Variants in PLPP3 observed in about 807,000 individuals in gnomAD.
The protein encoded by PLPP3 is phospholipid phosphatase 3.
PLPP3 carries 6 observed loss-of-function variants against 29.6 expected under a neutral mutation model. That is an observed-to-expected ratio of 0.20 (90% CI 0.11 to 0.40). The LOEUF (loss-of-function observed/expected upper bound fraction) is 0.40. Ranked by LOEUF, PLPP3 falls within the 10% of genes least tolerant of loss-of-function variation. The pLI is 1.00. For missense variants in PLPP3, 308 were observed against 407.7 expected (o/e 0.76, Z 2.11); for synonymous variants, 152 against 159.7 (o/e 0.95, Z 0.36).
intron 4 of PLPP3, among the ~76,000 whole-genome samples, chr1:56,521,898 T>C (rs1038239279): frequency 1.4e-4 from 22 of 152,076 alleles, no homozygotes; most frequent in African/African-American, 5.1e-4. Flanking sequence ...AAGGAGGTAA[T>C]TGGAGTTGGG....
intron 4 of PLPP3, among the ~76,000 whole-genome samples, chr1:56,522,674 G>T (rs1213937530): frequency 6.7e-6 from 1 of 148,856 alleles, no homozygotes; most frequent in Non-Finnish European, 1.5e-5. Flanking sequence ...AAGGATTGGG[G>T]GGAAAAATAA....
intron 1 of PLPP3, among the ~76,000 whole-genome samples, chr1:56,559,298 A>T (rs892446515): frequency 1.3e-5 from 2 of 152,246 alleles, no homozygotes; most frequent in Admixed American, 1.3e-4. Context: ...ATCAATGAGA[A>T]TACCTGTGCA....
intron 1 of PLPP3, among the ~76,000 whole-genome samples, chr1:56,557,006 GAA>G (rs372695116): frequency 0.019 from 121 of 6,444 alleles, 6 homozygotes; most frequent in South Asian, 0.026. Context: ...AAGAAAGAAA[GAA>G]AGAGAGAGAG....
chr1:56,528,949 T>G (rs906114194), intron 2 of PLPP3, among the ~76,000 whole-genome samples: 1 of 151,470 alleles, frequency 6.6e-6, no homozygotes, highest in African/African-American at 2.4e-5. Flanking sequence ...ATTTGTAAAT[T>G]ATCCCAAGAA....
intron 2 of PLPP3, among the ~76,000 whole-genome samples, chr1:56,529,113 C>T (rs2100255959): frequency 6.6e-6 from 1 of 152,062 alleles, no homozygotes; most frequent in South Asian, 2.1e-4. Context: ...CTTTCACATC[C>T]ACTATACTGT....
chr1:56,512,871 C>A (rs1645752801), intron 4 of PLPP3: 1 of 151,988 alleles, frequency 6.6e-6, no homozygotes, highest in African/African-American at 2.4e-5. Context: ...TCTTTTTTTA[C>A]AATTGATGAC....
chr1:56,500,501 G>T (rs915504411), intron 5 of PLPP3, among the ~76,000 whole-genome samples: 7 of 152,194 alleles, frequency 4.6e-5, no homozygotes, highest in Admixed American at 2.6e-4. Context: ...TGTGTGCAAA[G>T]GTACAGGAGA....
rs564887378 is a variant in PLPP3 at position 56,510,295 on chromosome 1, C to T, written c.810+1681G>A. On this transcript the variant is annotated intron_variant, in intron 5 of 5. Coordinates refer to ENST00000371250, the MANE Select transcript of PLPP3 (RefSeq NM_003713.5). ...AAGGGCCAGGCACCAGAGAACAAGC[C>T]GGTCAGTGACAGCTGCTCTCATTAA... 2.6e-5 allele frequency among the ~76,000 whole-genome samples: 4 copies of T among 152,332 alleles called. No individual in the cohort carries two copies. In the South Asian group the frequency reaches 6.2e-4, roughly 24 times the overall value.
Position 56,524,876 on chromosome 1 carries a change from AG to A in PLPP3, c.298-323del, listed in dbSNP as rs923907851. Among the ~76,000 whole-genome samples, 23 of 152,026 alleles carry A rather than the reference AG, an allele frequency of 1.5e-4. No individual in the cohort carries two copies. The highest frequency in any genetic ancestry group is 5.6e-4 in the African/African-American group (23 of 41,368). ...AGAGACAAGAACTTAACTATAGAAA[AG>A]AAATACTAAATGAAGAATCAACGAC... is the stretch of plus-strand genomic sequence containing the variant. On this transcript the variant is annotated intron_variant, in intron 2 of 5. Transcript: ENST00000371250. The surrounding 1 kb of genome is among the most constrained non-coding windows in gnomAD (Gnocchi z 4.3).
chr1:56,525,085 C>A (rs900624705), intron 2 of PLPP3, among the ~76,000 whole-genome samples: 1 of 152,146 alleles, frequency 6.6e-6, no homozygotes, highest in African/African-American at 2.4e-5. Flanking sequence ...CTGGGGAATT[C>A]AGACTCTGCC....
At chr1:56,567,959 A>T (rs990464118) in intron 1 of PLPP3, among the ~76,000 whole-genome samples, 1 of 152,248 alleles carries the variant, frequency 6.6e-6, no homozygotes, top group African/African-American at 2.4e-5. Flanking sequence ...ATTATTTGAC[A>T]ATAAAAAGAA....
chr1:56,524,335 C>A lies in PLPP3; in HGVS notation c.517G>T (p.Glu173Ter). The A allele has an allele frequency of 6.2e-7, 1 of 1,614,014 alleles. No individual in the cohort carries two copies. Among genetic ancestry groups the A allele is most frequent in the Non-Finnish European group, 8.5e-7 (1 of 1,179,948 alleles). Residue 173 changes from glutamate to a stop codon, truncating the protein, a stop_gained, in exon 3 of 6, where the codon GAA becomes TAA. Transcript: ENST00000371250. LOFTEE classifies it high-confidence loss of function. The surrounding 1 kb of genome is among the most constrained non-coding windows in gnomAD (Gnocchi z 4.3). The part of the protein sequence containing the change: ...NPDFSQINCS[E>*]GYIQNYRCRG... ...CATCTGTAGTTCTGAATGTAGCCTT[C>A]AGAGCAGTTGATCTGGCTGAAATCA...
intron 4 of PLPP3, among the ~76,000 whole-genome samples, chr1:56,514,314 G>C (rs547584202): frequency 1.2e-3 from 179 of 151,744 alleles, no homozygotes; most frequent in African/African-American, 4.2e-3. Flanking sequence ...GGGCAGGAGT[G>C]GGGGATATAT....
chr1:56,531,400 C>G (rs530485280), intron 2 of PLPP3, among the ~76,000 whole-genome samples: 6 of 152,296 alleles, frequency 3.9e-5, no homozygotes, highest in African/African-American at 1.2e-4. Flanking sequence ...AAGGCAAGAT[C>G]TGTATTTTAC....
chr1:56,522,300 G>A (rs1355275340), intron 4 of PLPP3, among the ~76,000 whole-genome samples: 3 of 152,190 alleles, frequency 2.0e-5, no homozygotes, highest in Non-Finnish European at 4.4e-5. Context: ...GAAGGCTACA[G>A]TGCACAGTGC....
chr1:56,522,042 G>GT (rs1203221131), intron 4 of PLPP3, among the ~76,000 whole-genome samples: 1 of 152,202 alleles, frequency 6.6e-6, no homozygotes, highest in Non-Finnish European at 1.5e-5. Context: ...TTTGTTTTGA[G>GT]TTTTGTAGCA....
At chr1:56,545,315 T>A (rs190195465) in intron 1 of PLPP3, among the ~76,000 whole-genome samples, 1 of 152,286 alleles carries the variant, frequency 6.6e-6, no homozygotes, top group African/African-American at 2.4e-5. Flanking sequence ...CAGAGTTGAT[T>A]AGGAGGACTA....
chr1:56,558,549 C>T (rs1468885356), intron 1 of PLPP3, among the ~76,000 whole-genome samples: 1 of 152,184 alleles, frequency 6.6e-6, no homozygotes, highest in Non-Finnish European at 1.5e-5. Flanking sequence ...TTATTTATGA[C>T]AGATAACAGT....
chr1:56,500,315 G>GA (rs1438213098), intron 5 of PLPP3, among the ~76,000 whole-genome samples: 1 of 152,186 alleles, frequency 6.6e-6, no homozygotes, highest in East Asian at 1.9e-4. Context: ...ATGATGGAGG[G>GA]AAGCAAGGGT....
Sources: allele counts gnomAD v4.1 joint callset (sites outside exome capture counted in the v4.1 genomes callset), GRCh38; gene constraint gnomAD v4.1.1; non-coding constraint Gnocchi (gnomAD v3.1); transcripts MANE v1.5; gene names NCBI Gene and HGNC (gene_info 2026-07-23, HGNC 2026-07-21).